The following COMMD2 variants were observed in gnomAD, a reference collection of about 807,000 sequenced individuals.
COMMD2 encodes the protein COMM domain containing 2.
In COMMD2, 25 loss-of-function variants were observed where a neutral mutation model predicts 22.5. The ratio of observed to expected loss-of-function variants is 1.11; its 90% confidence interval spans 0.81 to 1.55. The LOEUF (loss-of-function observed/expected upper bound fraction) is 1.55, where lower values mean the gene tolerates loss of function less well. COMMD2 is among the 40% of genes most tolerant of loss of function. The pLI is 0.00. For synonymous variants in COMMD2, 98 were observed against 91.2 expected, an observed-to-expected ratio of 1.07 and a Z score of -0.42; for missense variants, 223 against 232.9, an observed-to-expected ratio of 0.96 and a Z score of 0.28.
intron 4 of COMMD2, among the ~76,000 whole-genome samples, chr3:149,744,384 A>G (rs1174485547): frequency 6.6e-6 from 1 of 152,208 alleles, no homozygotes; most frequent in Non-Finnish European, 1.5e-5. Context: ...GCAAGACAGG[A>G]AAAGAATGCT....
intron 4 of COMMD2, among the ~76,000 whole-genome samples, chr3:149,742,183 T>A (rs925864166): frequency 6.6e-6 from 1 of 152,156 alleles, no homozygotes; most frequent in South Asian, 2.1e-4. Context: ...GACAAATGAA[T>A]ATAGAAAAAT....
chr3:149,743,531 C>G (rs1351311439), intron 4 of COMMD2, among the ~76,000 whole-genome samples: 1 of 152,182 alleles, frequency 6.6e-6, no homozygotes, highest in Non-Finnish European at 1.5e-5. Flanking sequence ...CTAATAACTT[C>G]TTCCAAATAA....
At position 149,739,824 on chromosome 3, in the gene COMMD2, T is replaced by G. The variant is rs1716162544; in HGVS notation, c.*1697A>C. The G allele has an allele frequency of 6.6e-6, 1 of 152,230 alleles. No homozygotes were observed. Among genetic ancestry groups the G allele is most frequent in the African/African-American group, 2.4e-5 (1 of 41,462 alleles). 9.4% of individuals were successfully genotyped at this position (152,230 alleles called of 1,614,324 possible). A position where few individuals can be genotyped will look rare whatever the true frequency, so the allele number is the denominator to read the frequency against. ...AAAATTATTTCTGATTATAGTTTGC[T>G]GACATCTAATAATATAGTTGTTTCA... On this transcript the variant is annotated 3_prime_UTR_variant, in exon 5 of 5. Coordinates refer to ENST00000473414, the MANE Select transcript of COMMD2 (RefSeq NM_016094.4).
intron 4 of COMMD2, 86 bp from the exon 5 acceptor site, chr3:149,741,804 C>A (rs1716237064): frequency 1.2e-5 from 13 of 1,068,636 alleles, no homozygotes; most frequent in South Asian, 4.6e-5. Context: ...AAACCATACA[C>A]AAAAATTAAG....
chr3:149,744,478 AT>A (rs1260738986), intron 4 of COMMD2, among the ~76,000 whole-genome samples: 2 of 152,236 alleles, frequency 1.3e-5, no homozygotes, highest in Non-Finnish European at 2.9e-5. Context: ...TACTAATGCT[AT>A]TAACAAGGAC....
At chr3:149,752,099 C>T (rs1203631346) in intron 2 of COMMD2, 111 bp downstream of exon 2, 1 of 867,176 alleles carries the variant, frequency 1.2e-6, no homozygotes, top group Non-Finnish European at 1.8e-6. Context: ...TATTCTACTA[C>T]AATCGGAACA....
intron 4 of COMMD2, among the ~76,000 whole-genome samples, chr3:149,748,427 TAC>T (rs1716436073): frequency 6.6e-6 from 1 of 152,172 alleles, no homozygotes; most frequent in Non-Finnish European, 1.5e-5. Context: ...TCCCAGTGTT[TAC>T]AGTTTAGTAA....
intron 2 of COMMD2, 91 bp from the exon 3 acceptor site, chr3:149,751,576 AT>A: frequency 3.4e-6 from 4 of 1,164,196 alleles, no homozygotes; most frequent in Non-Finnish European, 4.7e-6. Context: ...ACTATTCATT[AT>A]TACATGTTTT....
At chr3:149,746,385 T>C (rs905329619) in intron 4 of COMMD2, among the ~76,000 whole-genome samples, 1 of 152,072 alleles carries the variant, frequency 6.6e-6, no homozygotes, top group African/African-American at 2.4e-5. Flanking sequence ...CTATCTGAGA[T>C]GGGAGAGGCT....
intron 4 of COMMD2, among the ~76,000 whole-genome samples, chr3:149,747,035 A>ATTATT (rs1716392032): frequency 1.3e-5 from 2 of 152,202 alleles, no homozygotes; most frequent in Admixed American, 1.3e-4. Flanking sequence ...CCCACCCTTG[A>ATTATT]CAAGAGGGAT....
chr3:149,751,827 AAC>A, intron 2 of COMMD2: 1 of 252,310 alleles, frequency 4.0e-6, no homozygotes, highest in Non-Finnish European at 7.0e-6. Context: ...GGGGTAAAAC[AAC>A]ACTTTTTTTT....
chr3:149,751,987 A>AT (rs2108254180), intron 2 of COMMD2: 1 of 512,054 alleles, frequency 2.0e-6, no homozygotes, highest in East Asian at 3.1e-5. Context: ...TATTATGTAC[A>AT]TTTTACCATG....
chr3:149,750,931 T>C, intron 3 of COMMD2, 80 bp from the exon 4 acceptor site: 1 of 907,636 alleles, frequency 1.1e-6, no homozygotes, highest in Non-Finnish European at 1.6e-6. Flanking sequence ...AAGAATATGA[T>C]ATCCTCTAAT....
chr3:149,750,455 T>G, intron 4 of COMMD2: 1 of 537,628 alleles, frequency 1.9e-6, no homozygotes, highest in Non-Finnish European at 3.4e-6. Context: ...CCATCTCCTT[T>G]TCGAAAATAA....
Position 149,752,277 on chromosome 3 carries a change from C to A in COMMD2, c.78G>T (p.Glu26Asp). ...GGAATTCCACAGCAATCCGCCCAAA[C>A]TCGGCGACCACTGCAATGAAAGTCA... ...LPQVDSAVVA[E>D]FGRIAVEFLR... is the part of the protein sequence containing the mutation. The change falls in exon 2 of 5, where the codon GAG becomes GAT. Residue 26 changes from glutamate to aspartate, a missense_variant. Physicochemically the swap from Glu to Asp is conservative, Grantham distance 45. Transcript: ENST00000473414. 3 of 1,614,036 alleles carry A rather than the reference C, an allele frequency of 1.9e-6. No homozygotes were observed. The highest frequency in any genetic ancestry group is 2.5e-6 in the Non-Finnish European group (3 of 1,179,976).
At chr3:149,752,177 AAGCCTGCGG>A (rs1559856587) in intron 2 of COMMD2, 24 bp downstream of exon 2, 1 of 1,594,344 alleles carries the variant, frequency 6.3e-7, no homozygotes, top group Non-Finnish European at 8.6e-7. Flanking sequence ...ACCGCCCTAG[AAGCCTGCGG>A]AGCCTTCCCC....
chr3:149,738,472 T>C lies in COMMD2; in HGVS notation c.*3049A>G, dbSNP rs987983244. 3.9e-5 allele frequency: 6 copies of C among 152,050 alleles called. No individual in the cohort carries two copies. The highest frequency in any genetic ancestry group is 7.4e-5 in the Non-Finnish European group (5 of 67,944). 9.4% of individuals were successfully genotyped at this position (152,050 alleles called of 1,614,324 possible). A position where few individuals can be genotyped will look rare whatever the true frequency, so the allele number is the denominator to read the frequency against. ...TAATGAGATCCTCAGTCTACAAAAC[T>C]ATTTCAATAATGGTAAACATTTATT... On this transcript the variant is annotated 3_prime_UTR_variant, in exon 5 of 5. Transcript: ENST00000473414.
At position 149,750,748 on chromosome 3, in the gene COMMD2, C is replaced by T; in HGVS notation, c.332G>A (p.Arg111Lys). The T allele has an allele frequency of 6.2e-7, 1 of 1,608,912 alleles. No homozygotes were observed. Among genetic ancestry groups the T allele is most frequent in the African/African-American group, 1.3e-5 (1 of 74,974 alleles). ...QLYLDNRKEI[R>K]TILSELAPSL... ...TGGTGCCAATTCACTCAGAATCGTT[C>T]TGATCTCTTTTCTGTTGTCCAGATA... The change falls in exon 4 of 5, where the codon AGA becomes AAA. Residue 111 changes from arginine to lysine, a missense_variant. Arg to Lys is a conservative substitution (Grantham distance 26). Coordinates refer to ENST00000473414, the MANE Select transcript of COMMD2 (RefSeq NM_016094.4).
At chr3:149,742,859 G>A (rs768594688) in intron 4 of COMMD2, among the ~76,000 whole-genome samples, 1 of 151,820 alleles carries the variant, frequency 6.6e-6, no homozygotes, top group Non-Finnish European at 1.5e-5. Context: ...CCAGCTACTT[G>A]GGAGGCTGAG....
Sources: allele counts gnomAD v4.1 joint callset (sites outside exome capture counted in the v4.1 genomes callset), GRCh38; gene constraint gnomAD v4.1.1; transcripts MANE v1.5; gene names NCBI Gene and HGNC (gene_info 2026-07-23, HGNC 2026-07-21).